GTF2F2: variants seen among roughly 807,000 people sequenced by gnomAD.
The protein encoded by GTF2F2 is general transcription factor IIF subunit 2.
Under a neutral mutation model 42.2 loss-of-function variants are expected in GTF2F2, and 23 were observed. The observed-to-expected ratio is 0.55, with a 90% CI of 0.39 to 0.77. The LOEUF (loss-of-function observed/expected upper bound fraction) is 0.77, where lower values mean the gene tolerates loss of function less well. GTF2F2 is among the 30% of genes least tolerant of loss of function. GTF2F2 has a pLI of 0.00. For missense variants in GTF2F2, 261 were observed against 287.2 expected (o/e 0.91, Z 0.66); for synonymous variants, 105 against 100.8 (o/e 1.04, Z -0.25).
intron 3 of GTF2F2, among the ~76,000 whole-genome samples, chr13:45,150,503 A>C (rs1481438339): frequency 1.3e-5 from 2 of 152,132 alleles, no homozygotes; most frequent in African/African-American, 2.4e-5. Flanking sequence ...CATCTGAAGT[A>C]CAATTGCTTT....
At chr13:45,163,448 A>T (rs952254021) in intron 4 of GTF2F2, among the ~76,000 whole-genome samples, 2 of 152,116 alleles carry the variant, frequency 1.3e-5, no homozygotes, top group African/African-American at 4.8e-5. Context: ...AGGCAGGAGA[A>T]TTGCTTGAAC....
At chr13:45,191,224 A>AATATATATATATATATATATATAT (rs1165963910) in intron 4 of GTF2F2, among the ~76,000 whole-genome samples, 8 of 75,288 alleles carry the variant, frequency 1.1e-4, no homozygotes, top group African/African-American at 6.0e-4. Context: ...ACAAAAAAAA[A>AATATATATATATATATATATATAT]ATATATATAT....
intron 5 of GTF2F2, among the ~76,000 whole-genome samples, chr13:45,237,073 T>C (rs975424414): frequency 1.3e-5 from 2 of 152,196 alleles, no homozygotes; most frequent in South Asian, 4.1e-4. Context: ...TTGAGTACCC[T>C]AAAAGATTAA....
chr13:45,175,726 G>A lies in GTF2F2; in HGVS notation c.304+23895G>A, dbSNP rs1273365473. 2.6e-5 allele frequency among the ~76,000 whole-genome samples: 4 copies of A among 152,214 alleles called. No homozygotes were observed. In the East Asian group the frequency reaches 7.7e-4, roughly 29 times the overall value. On this transcript the variant is annotated intron_variant, in intron 4 of 7. Transcript: ENST00000340473. ...CAACCTCTGCCTCCCGGGTTCAGGT[G>A]ATTCTCCTGCCTCAGCCTCCCGAGT...
chr13:45,210,304 A>G lies in GTF2F2; in HGVS notation c.386+2799A>G, dbSNP rs557989343. ...CTCCAACCACACCTGTCTCCTAACAATCCATGAGCCCTCCAGGCACACATC... is the reference window on the plus strand; with the variant it reads ...CTCCAACCACACCTGTCTCCTAACAGTCCATGAGCCCTCCAGGCACACATC... On this transcript the variant is annotated intron_variant, in intron 5 of 7. Transcript: ENST00000340473. Among the ~76,000 whole-genome samples the G allele has an allele frequency of 1.5e-4, 23 of 152,132 alleles. No individual in the cohort carries two copies. In the South Asian group the frequency reaches 4.6e-3, roughly 30 times the overall value.
intron 2 of GTF2F2, among the ~76,000 whole-genome samples, chr13:45,146,379 G>A (rs1380879339): frequency 6.6e-6 from 1 of 151,986 alleles, no homozygotes; most frequent in East Asian, 1.9e-4. Flanking sequence ...AGCGCCTGTG[G>A]TCCCAGCCAC....
chr13:45,186,983 G>A (rs7988371), intron 4 of GTF2F2, among the ~76,000 whole-genome samples: 15,829 of 152,054 alleles, frequency 0.1, 2,191 homozygotes, highest in African/African-American at 0.32. Flanking sequence ...ATTAAAACTT[G>A]CTTTTAAATG....
chr13:45,124,489 G>A (rs1403894836), intron 1 of GTF2F2, among the ~76,000 whole-genome samples: 1 of 151,642 alleles, frequency 6.6e-6, no homozygotes, highest in African/African-American at 2.4e-5. Flanking sequence ...CTGAGGTTGG[G>A]AGTTGGAGAC....
chr13:45,240,975 C>CAA (rs1210038157), intron 5 of GTF2F2, among the ~76,000 whole-genome samples: 33,779 of 106,102 alleles, frequency 0.32, 5,079 homozygotes, highest in African/African-American at 0.45. Context: ...CCTGTTATTA[C>CAA]AAAAAAAAAA....
chr13:45,213,118 G>A (rs922115475), intron 5 of GTF2F2, among the ~76,000 whole-genome samples: 1 of 149,972 alleles, frequency 6.7e-6, no homozygotes, highest in Non-Finnish European at 1.5e-5. Flanking sequence ...TCGCTCTGTC[G>A]CCCAGGCTGG....
At chr13:45,177,821 C>G (rs1227297633) in intron 4 of GTF2F2, among the ~76,000 whole-genome samples, 1 of 152,168 alleles carries the variant, frequency 6.6e-6, no homozygotes, top group African/African-American at 2.4e-5. Flanking sequence ...AAAAAGTCCA[C>G]AGTCTTGCTT....
At chr13:45,123,961 G>T (rs549110715) in intron 1 of GTF2F2, 362 of 707,374 alleles carry the variant, frequency 5.1e-4, no homozygotes, top group Non-Finnish European at 8.2e-4. Flanking sequence ...CCAGCATTGA[G>T]GGTCTCTCTC....
intron 1 of GTF2F2, among the ~76,000 whole-genome samples, chr13:45,133,619 G>A (rs963583348): frequency 3.9e-5 from 6 of 152,326 alleles, no homozygotes; most frequent in Non-Finnish European, 7.3e-5. Context: ...CCACCTGGGC[G>A]CCATAGTGAA....
chr13:45,185,711 A>C (rs948107299), intron 4 of GTF2F2, among the ~76,000 whole-genome samples: 1 of 152,224 alleles, frequency 6.6e-6, no homozygotes, highest in Non-Finnish European at 1.5e-5. Flanking sequence ...AATGTATACA[A>C]ATTTTATCAA....
rs1434923833 is a variant in GTF2F2 at position 45,272,789 on chromosome 13, G to A, written c.630+5413G>A. On this transcript the variant is annotated intron_variant, in intron 7 of 7. Transcript: ENST00000340473. ...AAGGTCTCCTGCTGCCACCCAGGCT[G>A]GAGTGCTCAAAGCTCCATAGCTCAT... Among the ~76,000 whole-genome samples the A allele has an allele frequency of 2.0e-5, 3 of 149,936 alleles. No individual in the cohort carries two copies. The East Asian group carries it at 6.2e-4, about 31-fold the overall frequency.
At chr13:45,264,578 T>G (rs550056368) in intron 6 of GTF2F2, among the ~76,000 whole-genome samples, 1 of 152,284 alleles carries the variant, frequency 6.6e-6, no homozygotes, top group Admixed American at 6.5e-5. Context: ...GCCCCATGAT[T>G]TTTGAAAAAT....
intron 2 of GTF2F2, among the ~76,000 whole-genome samples, chr13:45,148,890 G>A (rs1244492647): frequency 6.6e-6 from 1 of 151,924 alleles, no homozygotes; most frequent in Non-Finnish European, 1.5e-5. Flanking sequence ...ATGGAATTGT[G>A]GCTATTTTAA....
rs567516148 is a variant in GTF2F2, at chr13:45,127,885, C to CCT, written c.66+7166_66+7167dup. 2.2e-3 allele frequency among the ~76,000 whole-genome samples: 323 copies of CCT among 145,532 alleles called. 1 individual carries two copies. Among genetic ancestry groups the CCT allele is most frequent in the Middle Eastern group, 3.5e-3 (1 of 282 alleles). Reference sequence around the variant, plus strand: ...TGACCTTGTGATCTGCCCGCCTCAGCCTCCCAAAGTGCTAGGATTACAGGC... The same window carrying CCT: ...TGACCTTGTGATCTGCCCGCCTCAGCCTCTCCCAAAGTGCTAGGATTACAGGC... On this transcript the variant is annotated intron_variant, in intron 1 of 7. Transcript: ENST00000340473.
At chr13:45,120,908 A>C (rs1868595934) in intron 1 of GTF2F2, among the ~76,000 whole-genome samples, 187 bp downstream of exon 1, 1 of 152,212 alleles carries the variant, frequency 6.6e-6, no homozygotes. Context: ...TTAGGGACGC[A>C]AAGTGTCTTT....
Sources: allele counts gnomAD v4.1 joint callset (sites outside exome capture counted in the v4.1 genomes callset), GRCh38; gene constraint gnomAD v4.1.1; transcripts MANE v1.5; gene names NCBI Gene and HGNC (gene_info 2026-07-23, HGNC 2026-07-21).